Variants in TTC23 observed in about 807,000 individuals in gnomAD.
The protein encoded by TTC23 is tetratricopeptide repeat protein 23.
Under a neutral mutation model 55.1 loss-of-function variants are expected in TTC23, and 58 were observed. That is an observed-to-expected ratio of 1.05 (90% CI 0.85 to 1.31). The LOEUF (loss-of-function observed/expected upper bound fraction) is 1.31, where lower values mean the gene tolerates loss of function less well. Ranked by LOEUF, TTC23 falls within the 50% of genes most tolerant of loss-of-function variation. TTC23 has a pLI of 0.00. For missense variants in TTC23, 516 were observed against 534.4 expected, an observed-to-expected ratio of 0.97 and a Z score of 0.34; for synonymous variants, 203 against 199.9, an observed-to-expected ratio of 1.02 and a Z score of -0.13.
intron 9 of TTC23, among the ~76,000 whole-genome samples, chr15:99,179,725 C>T (rs936502628): frequency 7.2e-5 from 11 of 152,140 alleles, no homozygotes; most frequent in African/African-American, 1.7e-4. Context: ...GCAGAACAGC[C>T]GCTCTCACAG....
intron 9 of TTC23, among the ~76,000 whole-genome samples, chr15:99,186,844 G>A (rs1398057177): frequency 6.6e-6 from 1 of 152,032 alleles, no homozygotes; most frequent in East Asian, 1.9e-4. Context: ...GTGATTGAAA[G>A]GCTTAATATT....
chr15:99,198,498 C>A (rs1485953705), intron 9 of TTC23, among the ~76,000 whole-genome samples: 2 of 152,208 alleles, frequency 1.3e-5, no homozygotes, highest in Non-Finnish European at 2.9e-5. Flanking sequence ...GCTTTGGCTA[C>A]CTCAATAGCT....
At chr15:99,189,417 A>G (rs569103345) in intron 9 of TTC23, among the ~76,000 whole-genome samples, 1 of 152,358 alleles carries the variant, frequency 6.6e-6, no homozygotes, top group South Asian at 2.1e-4. Flanking sequence ...TGTGAGAAGC[A>G]AGATATTTAC....
At chr15:99,139,959 G>A in intron 12 of TTC23, 1 of 288,400 alleles carries the variant, frequency 3.5e-6, no homozygotes, top group Non-Finnish European at 6.7e-6. Context: ...TAGTAGGCTA[G>A]GGCAAATCAA....
chr15:99,225,603 T>C (rs2078335019), intron 5 of TTC23, among the ~76,000 whole-genome samples: 1 of 152,132 alleles, frequency 6.6e-6, no homozygotes, highest in African/African-American at 2.4e-5. Context: ...CCTGAACCCA[T>C]ACTGATAGGA....
intron 1 of TTC23, 100 bp from the exon 2 acceptor site, chr15:99,245,610 G>A (rs1258551302): frequency 6.6e-6 from 1 of 151,032 alleles, no homozygotes; most frequent in African/African-American, 2.4e-5. Context: ...TTTTTAACAA[G>A]CATGCCAAGA....
chr15:99,227,673 C>T (rs780989718), intron 5 of TTC23, among the ~76,000 whole-genome samples: 5 of 152,196 alleles, frequency 3.3e-5, no homozygotes, highest in African/African-American at 4.8e-5. Context: ...AGCTTCATTT[C>T]TTGCCCTGTG....
At position 99,156,132 on chromosome 15, in the gene TTC23, C is replaced by A. The variant is rs2070519484; in HGVS notation, c.1143+16G>T. The A allele has an allele frequency of 6.2e-7, 1 of 1,614,184 alleles. No individual in the cohort carries two copies. On this transcript the variant is annotated intron_variant, in intron 12 of 13. Coordinates refer to ENST00000394132, the MANE Select transcript of TTC23 (RefSeq NM_001288615.3). ...GGGAGAGCCTAGTCTCGTGTTAGTA[C>A]TGGTTCCAGCTTTACCTTCTTCAGT... is the stretch of plus-strand genomic sequence containing the variant.
chr15:99,215,745 T>C (rs2077430987), intron 8 of TTC23, among the ~76,000 whole-genome samples: 1 of 150,832 alleles, frequency 6.6e-6, no homozygotes, highest in Non-Finnish European at 1.5e-5. Flanking sequence ...AGATCCTGTA[T>C]ACAAAAAAGA....
chr15:99,137,193 A>T lies in TTC23; in HGVS notation c.*817T>A, dbSNP rs1316771935. 3.3e-5 allele frequency: 5 copies of T among 152,286 alleles called. No homozygotes were observed. Among genetic ancestry groups the T allele is most frequent in the African/African-American group, 1.2e-4 (5 of 41,456 alleles). 9.4% of individuals were successfully genotyped at this position (152,286 alleles called of 1,614,324 possible). On this transcript the variant is annotated 3_prime_UTR_variant, in exon 14 of 14. Coordinates refer to ENST00000394132, the MANE Select transcript of TTC23 (RefSeq NM_001288615.3). ...GAAGGCACTCAAAGCTTCCTGTTCG[A>T]CTTTGCCATCCTCACACGACTATGG...
chr15:99,216,906 T>C (rs976670212), intron 8 of TTC23, among the ~76,000 whole-genome samples: 1 of 152,202 alleles, frequency 6.6e-6, no homozygotes, highest in African/African-American at 2.4e-5. Context: ...AAGTGTCACT[T>C]AGCCACGTAA....
At chr15:99,237,224 C>T (rs1403435435) in intron 3 of TTC23, among the ~76,000 whole-genome samples, 1 of 152,086 alleles carries the variant, frequency 6.6e-6, no homozygotes, top group African/African-American at 2.4e-5. Flanking sequence ...TTAAGTGATC[C>T]ACCTGCCTCA....
Position 99,175,105 on chromosome 15 carries a change from G to C in TTC23, c.810C>G (p.Asp270Glu), listed in dbSNP as rs201897260. 30 of 1,614,232 alleles carry C rather than the reference G, an allele frequency of 1.9e-5. No homozygotes were observed. The highest frequency in any genetic ancestry group is 1.8e-4 in the Admixed American group (11 of 60,028). The change falls in exon 10 of 14, where the codon GAC becomes GAG. Residue 270 changes from aspartate to glutamate, a missense_variant. Physicochemically the swap from Asp to Glu is conservative, Grantham distance 45. Coordinates refer to ENST00000394132, the MANE Select transcript of TTC23 (RefSeq NM_001288615.3). ...CAGCATGGGCGACGATGTGTGCCGA[G>C]TCTGCTGCCTCCACTTGAGAGGGGC... ...SRSPSQVEAA[D>E]SAHIVAHAAV...
intron 2 of TTC23, among the ~76,000 whole-genome samples, chr15:99,243,598 T>C (rs923984794): frequency 6.6e-6 from 1 of 152,156 alleles, no homozygotes; most frequent in African/African-American, 2.4e-5. Flanking sequence ...TAAATGTTCA[T>C]CAACACATGA....
chr15:99,207,282 T>G (rs2076700191), intron 8 of TTC23, among the ~76,000 whole-genome samples: 1 of 152,174 alleles, frequency 6.6e-6, no homozygotes, highest in Admixed American at 6.6e-5. Flanking sequence ...ACAATATATG[T>G]AAACAGCAAA....
chr15:99,188,808 G>A (rs1468076364), intron 9 of TTC23, among the ~76,000 whole-genome samples: 1 of 152,076 alleles, frequency 6.6e-6, no homozygotes, highest in African/African-American at 2.4e-5. Context: ...GCTTGACAAT[G>A]TACTTTGTTG....
intron 4 of TTC23, among the ~76,000 whole-genome samples, chr15:99,230,388 T>A (rs1244700340): frequency 6.6e-6 from 1 of 152,152 alleles, no homozygotes; most frequent in African/African-American, 2.4e-5. Context: ...ATATATGTCA[T>A]TTGAGTCCCT....
chr15:99,200,364 A>G (rs900763231), intron 8 of TTC23, among the ~76,000 whole-genome samples: 2 of 152,194 alleles, frequency 1.3e-5, no homozygotes, highest in Non-Finnish European at 2.9e-5. Flanking sequence ...TGAGTTAAGG[A>G]TAACAGTGCC....
At chr15:99,174,276 G>A (rs2073278578) in intron 10 of TTC23, among the ~76,000 whole-genome samples, 2 of 152,116 alleles carry the variant, frequency 1.3e-5, no homozygotes, top group Admixed American at 6.5e-5. Context: ...CTTCTCCCAT[G>A]TGCTGGCCTC....
Sources: allele counts gnomAD v4.1 joint callset (sites outside exome capture counted in the v4.1 genomes callset), GRCh38; gene constraint gnomAD v4.1.1; transcripts MANE v1.5; gene names NCBI Gene and HGNC (gene_info 2026-07-23, HGNC 2026-07-21).